CACNA1C: variants seen among roughly 807,000 people sequenced by gnomAD.
CACNA1C encodes calcium voltage-gated channel subunit alpha1 C.
CACNA1C carries 30 observed loss-of-function variants against 229.0 expected under a neutral mutation model. The ratio of observed to expected loss-of-function variants is 0.13; its 90% CI spans 0.10 to 0.18. The LOEUF (loss-of-function observed/expected upper bound fraction) is 0.18, where lower values mean the gene tolerates loss of function less well. Ranked by LOEUF, CACNA1C falls within the 10% of genes least tolerant of loss-of-function variation. CACNA1C has a pLI of 1.00. For synonymous variants in CACNA1C, 1,114 were observed against 1,132.5 expected, an observed-to-expected ratio of 0.98 and a Z score of 0.33; for missense variants, 1,658 against 2,845.0, an observed-to-expected ratio of 0.58 and a Z score of 9.49.
chr12:2,351,737 C>T (rs115429795), intron 3 of CACNA1C, among the ~76,000 whole-genome samples: 2,104 of 152,316 alleles, frequency 0.014, 79 homozygotes, highest in African/African-American at 0.048. Context: ...TGTGTCCTGG[C>T]TTAGGGTCAT....
chr12:2,106,959 G>C, intron 1 of CACNA1C, among the ~76,000 whole-genome samples: 1 of 99,710 alleles, frequency 1.0e-5, no homozygotes, highest in African/African-American at 3.4e-5. Flanking sequence ...GCCACTGGGC[G>C]CCCACCCCGG....
In CACNA1C at chr12:2,651,633, G is replaced by A. The variant is rs1060504923; in HGVS notation, c.3946-7G>A. ...TAACTGCACCTCCTGTTGCCGACGG[G>A]TTCCAGAACGCAGAGGAAAACTCCC... is the stretch of plus-strand genomic sequence containing the variant. On this transcript the variant is annotated splice_polypyrimidine_tract_variant and splice_region_variant and intron_variant, in intron 31 of 46. Transcript: ENST00000399655. This position sits in a 1 kb window ranked among gnomAD's most constrained non-coding sequence, Gnocchi z 5.4. 2.5e-6 allele frequency: 4 copies of A among 1,613,920 alleles called. No homozygotes were observed. The African/African-American group carries it at 4.0e-5, about 16-fold the overall frequency.
At chr12:2,388,713 G>A (rs928063500) in intron 3 of CACNA1C, among the ~76,000 whole-genome samples, 5 of 152,072 alleles carry the variant, frequency 3.3e-5, no homozygotes, top group Non-Finnish European at 7.4e-5. Context: ...TTCATCTTTG[G>A]GTTTGTGGAG....
In CACNA1C at chr12:2,679,686, C is replaced by A. The variant is rs1419094234; in HGVS notation, c.5334C>A (p.Leu1778=). ...NNANNTALGR[L]PRPAGYPSTV... is the part of the protein sequence containing the mutation. ...CCAACAACACCGCCCTGGGTCGCCT[C>A]CCTCGCCCCGCCGGCTACCCCAGCA... is the stretch of plus-strand genomic sequence containing the variant. The change falls in exon 42 of 47, where the codon CTC becomes CTA. Residue 1778 remains leucine, a synonymous_variant. Transcript: ENST00000399655. The surrounding 1 kb of genome is among the most constrained non-coding windows in gnomAD (Gnocchi z 5.5). 3.1e-6 allele frequency: 5 copies of A among 1,612,922 alleles called. No homozygotes were observed. The highest frequency in any genetic ancestry group is 4.2e-6 in the Non-Finnish European group (5 of 1,179,394).
At chr12:2,344,812 G>T (rs1196019471) in intron 3 of CACNA1C, among the ~76,000 whole-genome samples, 1 of 151,836 alleles carries the variant, frequency 6.6e-6, no homozygotes, top group East Asian at 1.9e-4. Context: ...TACTTGCCAG[G>T]TTACTCCATC....
At chr12:2,584,042 C>T (rs1392202947) in intron 15 of CACNA1C, among the ~76,000 whole-genome samples, 1 of 152,218 alleles carries the variant, frequency 6.6e-6, no homozygotes, top group African/African-American at 2.4e-5. Flanking sequence ...GATGGACCCT[C>T]CAAGGGTCTT....
chr12:2,649,138 C>T lies in CACNA1C; in HGVS notation c.3945+631C>T, dbSNP rs1233984114. Among the ~76,000 whole-genome samples the T allele has an allele frequency of 1.3e-5, 2 of 152,170 alleles. No homozygotes were observed. Among genetic ancestry groups the T allele is most frequent in the African/African-American group, 2.4e-5 (1 of 41,430 alleles). The stretch of plus-strand genomic sequence containing the variant: ...TAAAATTAGGCTGCAGCCACTGTTC[C>T]GCAGCAAGCTGGAAGCAGAAAAACA... On this transcript the variant is annotated intron_variant, in intron 31 of 46. Coordinates refer to ENST00000399655, the MANE Select transcript of CACNA1C (RefSeq NM_000719.7). This position sits in a 1 kb window ranked among gnomAD's most constrained non-coding sequence, Gnocchi z 4.4.
In CACNA1C at chr12:2,646,050, A is replaced by G. The variant is rs1205653388; in HGVS notation, c.3913-2425A>G. Among the ~76,000 whole-genome samples, 1 of 152,228 alleles carries G rather than the reference A, an allele frequency of 6.6e-6. No individual in the cohort carries two copies. The highest frequency in any genetic ancestry group is 1.5e-5 in the Non-Finnish European group (1 of 68,038). The stretch of plus-strand genomic sequence containing the variant: ...GTCTGCCATTATAGAGACATGCCAT[A>G]GGAAATGTTAAATCAATACATGTTA... On this transcript the variant is annotated intron_variant, in intron 30 of 46. Transcript: ENST00000399655. The surrounding 1 kb of genome is among the most constrained non-coding windows in gnomAD (Gnocchi z 4.6).
In CACNA1C at chr12:2,147,804, A is replaced by G. The variant is rs1319817611; in HGVS notation, c.477+27374A>G. ...GGGGATTTTGGGGGGGCAAATAGGC[A>G]GTAGGTTTTCACACCTTTTGAAAAA... On this transcript the variant is annotated intron_variant, in intron 3 of 46. Transcript: ENST00000399655. Among the ~76,000 whole-genome samples the G allele has an allele frequency of 3.3e-5, 5 of 150,968 alleles. 1 individual carries two copies. Among genetic ancestry groups the G allele is most frequent in the Non-Finnish European group, 7.4e-5 (5 of 67,512 alleles).
intron 1 of CACNA1C, among the ~76,000 whole-genome samples, chr12:2,063,490 C>T (rs891223204): frequency 2.6e-5 from 4 of 152,186 alleles, no homozygotes; most frequent in Admixed American, 1.3e-4. Flanking sequence ...GCTGTGTAGT[C>T]TGACTGTTGA....
chr12:2,086,552 C>CA lies in CACNA1C; in HGVS notation c.50-28668dup, dbSNP rs1444765477. 3.3e-5 allele frequency among the ~76,000 whole-genome samples: 5 copies of CA among 152,124 alleles called. No individual in the cohort carries two copies. In the South Asian group the frequency reaches 8.3e-4, roughly 25 times the overall value. On this transcript the variant is annotated intron_variant, in intron 1 of 46. Coordinates refer to ENST00000399655, the MANE Select transcript of CACNA1C (RefSeq NM_000719.7). ...AGGCTAGCAGCTGTTACAAGCAGCCCAAAATCTCACTGGCTTGATGCAATA... is the reference window on the plus strand; with the variant it reads ...AGGCTAGCAGCTGTTACAAGCAGCCCAAAAATCTCACTGGCTTGATGCAATA...
At chr12:2,004,570 C>G (rs1012619379) in intron 1 of CACNA1C, 50 of 1,257,848 alleles carry the variant, frequency 4.0e-5, no homozygotes, top group Non-Finnish European at 5.1e-5. Context: ...GTCACCCCCA[C>G]CCTCCTGCCC....
intron 21 of CACNA1C, among the ~76,000 whole-genome samples, chr12:2,598,619 G>A (rs538774892): frequency 9.4e-4 from 143 of 152,264 alleles, no homozygotes; most frequent in African/African-American, 3.4e-3. Context: ...TCATCCTATC[G>A]CTGTGGCCAA....
chr12:2,572,768 GTTCCTCCTTCTCCTCTC>G (rs2056569412), intron 13 of CACNA1C, among the ~76,000 whole-genome samples: 1 of 37,020 alleles, frequency 2.7e-5, no homozygotes, highest in South Asian at 1.0e-3. Flanking sequence ...TCCTTCTTCT[GTTCCTCCTTCTCCTCTC>G]CTCCTCCTCC....
chr12:2,040,801 T>C (rs1243189546), intron 1 of CACNA1C, among the ~76,000 whole-genome samples: 1 of 152,238 alleles, frequency 6.6e-6, no homozygotes, highest in Non-Finnish European at 1.5e-5. Flanking sequence ...ATACTTTTCC[T>C]TGACAAGCTT....
chr12:2,598,485 G>A (rs561186903), intron 21 of CACNA1C, among the ~76,000 whole-genome samples: 1 of 152,216 alleles, frequency 6.6e-6, no homozygotes, highest in Non-Finnish European at 1.5e-5. Flanking sequence ...CTCTGAGCAA[G>A]GGGGTAGATT....
chr12:2,439,807 T>C (rs982313300), intron 3 of CACNA1C, among the ~76,000 whole-genome samples: 11 of 152,082 alleles, frequency 7.2e-5, no homozygotes, highest in East Asian at 1.9e-4. Context: ...CCTCAATAAA[T>C]AGGTGCATTG....
chr12:2,380,542 C>T (rs184048358), intron 3 of CACNA1C, among the ~76,000 whole-genome samples: 31 of 152,244 alleles, frequency 2.0e-4, no homozygotes, highest in Admixed American at 5.9e-4. Flanking sequence ...TCTGGGAGCC[C>T]GGTACTGACC....
At chr12:2,041,529 G>A (rs916472118) in intron 1 of CACNA1C, among the ~76,000 whole-genome samples, 21 of 152,204 alleles carry the variant, frequency 1.4e-4, no homozygotes, top group African/African-American at 4.8e-4. Context: ...GCCCGCCTCG[G>A]CCTCCCAAAG....
Sources: gnomAD v4.1 joint callset for allele counts (sites outside exome capture counted in the v4.1 genomes callset) on GRCh38, gnomAD v4.1.1 for gene constraint, Gnocchi (gnomAD v3.1) non-coding constraint, MANE v1.5 for transcripts, NCBI Gene and HGNC (gene_info 2026-07-23, HGNC 2026-07-21) for gene names.